RIPOR3: variants seen among roughly 807,000 people sequenced by gnomAD.
The protein encoded by RIPOR3 is RIPOR family member 3, also known as family with sequence similarity 65 member C.
RIPOR3 carries 95 observed loss-of-function variants against 114.3 expected under a neutral mutation model. The observed-to-expected ratio is 0.83, with a 90% CI of 0.70 to 0.99. The LOEUF (loss-of-function observed/expected upper bound fraction) is 0.99. Ranked by LOEUF, RIPOR3 falls within the 50% of genes least tolerant of loss-of-function variation. The pLI, the probability that RIPOR3 is intolerant of heterozygous loss-of-function variation, is 0.00. For missense variants in RIPOR3, 1,252 were observed against 1,266.9 expected (o/e 0.99, Z 0.18); for synonymous variants, 575 against 543.8 (o/e 1.06, Z -0.80).
At chr20:50,679,135 A>AATATATATATATATATAT (rs1568964701) in intron 1 of RIPOR3, among the ~76,000 whole-genome samples, 44 of 20,760 alleles carry the variant, frequency 2.1e-3, no homozygotes, top group African/African-American at 5.3e-3. Flanking sequence ...AAAAAAAAAA[A>AATATATATATATATATAT]ATATATATAT....
intron 4 of RIPOR3, 104 bp from the exon 5 acceptor site, chr20:50,611,308 G>A (rs1427314411): frequency 6.7e-6 from 10 of 1,492,432 alleles, no homozygotes; most frequent in Non-Finnish European, 9.3e-6. Flanking sequence ...AGAGTCAGAG[G>A]ACAGAAAGCC....
intron 1 of RIPOR3, among the ~76,000 whole-genome samples, chr20:50,638,685 G>C (rs148150727): frequency 1.3e-5 from 2 of 152,020 alleles, no homozygotes; most frequent in East Asian, 1.9e-4. Context: ...GGGTGTGGGG[G>C]ATGAAGGAAG....
rs765870114 is a variant in RIPOR3, at chr20:50,592,518, C to T, written c.2403G>A (p.Ala801=). 36 of 1,587,450 alleles carry T rather than the reference C, an allele frequency of 2.3e-5. No individual in the cohort carries two copies. The highest frequency in any genetic ancestry group is 3.3e-4 in the Middle Eastern group (2 of 5,980). The change falls in exon 19 of 22, where the codon GCG becomes GCA. Residue 801 remains alanine, a synonymous_variant. Coordinates refer to ENST00000327979, the MANE Select transcript of RIPOR3 (RefSeq NM_001290268.2). ...EVTLIEELHC[A]GQAKVVRKLQ... is the part of the protein sequence containing the mutation. ...GCTTCCGGACCACCTTGGCCTGTCC[C>T]GCACAGTGAAGCTCCTCGATGAGTG...
intron 16 of RIPOR3, chr20:50,594,925 A>T: frequency 1.8e-6 from 1 of 554,424 alleles, no homozygotes; most frequent in South Asian, 2.5e-5. Context: ...TCCCCACAAC[A>T]ACCTGGGAGG....
intron 8 of RIPOR3, 147 bp downstream of exon 8, chr20:50,609,145 TG>T: frequency 8.0e-7 from 1 of 1,247,010 alleles, no homozygotes; most frequent in Non-Finnish European, 1.1e-6. Context: ...CAGAGAGGGG[TG>T]GGACTTGCCA....
chr20:50,639,607 C>T (rs1423648011), intron 1 of RIPOR3, among the ~76,000 whole-genome samples: 2 of 152,228 alleles, frequency 1.3e-5, no homozygotes, highest in Non-Finnish European at 2.9e-5. Flanking sequence ...GTGGCACTCA[C>T]CTGTAGTCCC....
At chr20:50,597,413 T>TG in intron 14 of RIPOR3, 167 bp downstream of exon 14, 1 of 1,001,540 alleles carries the variant, frequency 1.0e-6, no homozygotes, top group Non-Finnish European at 1.4e-6. Context: ...CTGAGGCAAG[T>TG]GGGGGATGTG....
At chr20:50,638,128 G>A (rs1190965487) in intron 1 of RIPOR3, among the ~76,000 whole-genome samples, 7 of 152,212 alleles carry the variant, frequency 4.6e-5, no homozygotes, top group Admixed American at 4.6e-4. Flanking sequence ...TCCTGGCTCT[G>A]CCATCCTCCA....
Position 50,616,088 on chromosome 20 carries a change from G to A in RIPOR3, c.270-8C>T. ...TGCACACACAGATACTCCCTGCAAG[G>A]AAAGCAAGGAAGAGTTTCAAATGGA... is the stretch of plus-strand genomic sequence containing the variant. On this transcript the variant is annotated splice_polypyrimidine_tract_variant and splice_region_variant and intron_variant, in intron 3 of 21. Coordinates refer to ENST00000327979, the MANE Select transcript of RIPOR3 (RefSeq NM_001290268.2). 1.9e-6 allele frequency: 3 copies of A among 1,609,816 alleles called. No homozygotes were observed. Among genetic ancestry groups the A allele is most frequent in the South Asian group, 1.1e-5 (1 of 89,974 alleles).
At chr20:50,688,592 G>C (rs2123654052) in intron 1 of RIPOR3, among the ~76,000 whole-genome samples, 1 of 152,288 alleles carries the variant, frequency 6.6e-6, no homozygotes, top group African/African-American at 2.4e-5. Context: ...GGCACAAGCT[G>C]CCTCCAGCAC....
chr20:50,647,885 T>C (rs1245578468), intron 1 of RIPOR3, among the ~76,000 whole-genome samples: 2 of 152,168 alleles, frequency 1.3e-5, no homozygotes, highest in African/African-American at 4.8e-5. Context: ...TACAGTTACT[T>C]TCAGTTGCGA....
chr20:50,670,241 A>G (rs574145261), intron 1 of RIPOR3, among the ~76,000 whole-genome samples: 187 of 151,884 alleles, frequency 1.2e-3, no homozygotes, highest in Middle Eastern at 3.5e-3. Context: ...GGCCCAGAGC[A>G]TGAGTTTTAC....
intron 1 of RIPOR3, among the ~76,000 whole-genome samples, chr20:50,649,403 C>A (rs1357889970): frequency 6.6e-6 from 1 of 152,166 alleles, no homozygotes; most frequent in Non-Finnish European, 1.5e-5. Flanking sequence ...TGAGATCATG[C>A]CATTGCACTC....
At chr20:50,600,824 T>A (rs1457956642) in intron 13 of RIPOR3, among the ~76,000 whole-genome samples, 1 of 152,238 alleles carries the variant, frequency 6.6e-6, no homozygotes, top group Non-Finnish European at 1.5e-5. Flanking sequence ...TTTCTGGAAA[T>A]TTTCAGGCAG....
chr20:50,602,471 GGT>G lies in RIPOR3; in HGVS notation c.1258_1259del (p.Thr420GlnfsTer23), dbSNP rs763247919. On this transcript the variant is annotated frameshift_variant, in exon 13 of 22. Transcript: ENST00000327979. LOFTEE classifies it high-confidence loss of function. This position sits in a 1 kb window ranked among gnomAD's most constrained non-coding sequence, Gnocchi z 4.3. ...FSSEDPRDTE[T>X]STSASTSDVG... ...CATCTGAGGTGGACGCCGACGTGCT[GGT>G]CTCCGTGTCTCGGGGGTCCTCAGAG... 6.4e-7 allele frequency: 1 copy of G among 1,560,784 alleles called. No homozygotes were observed. Among genetic ancestry groups the G allele is most frequent in the Non-Finnish European group, 8.7e-7 (1 of 1,150,568 alleles).
At chr20:50,590,460 C>T (rs1354384876) in intron 19 of RIPOR3, among the ~76,000 whole-genome samples, 1 of 152,150 alleles carries the variant, frequency 6.6e-6, no homozygotes, top group African/African-American at 2.4e-5. Flanking sequence ...ACGGGTGGGG[C>T]GATGGAGGGG....
chr20:50,646,749 G>A (rs1215581852), intron 1 of RIPOR3, among the ~76,000 whole-genome samples: 2 of 152,202 alleles, frequency 1.3e-5, no homozygotes, highest in Non-Finnish European at 2.9e-5. Flanking sequence ...CTTGTGCTGG[G>A]ATTGTAATTC....
chr20:50,670,980 T>G (rs368112699), intron 1 of RIPOR3, among the ~76,000 whole-genome samples: 2 of 152,018 alleles, frequency 1.3e-5, no homozygotes, highest in African/African-American at 4.8e-5. Flanking sequence ...CAGGCTGGAG[T>G]GCAGTGGTGT....
chr20:50,588,773 A>G (rs1237359649), intron 20 of RIPOR3, among the ~76,000 whole-genome samples: 1 of 150,812 alleles, frequency 6.6e-6, no homozygotes, highest in Admixed American at 6.6e-5. Flanking sequence ...AAAAAAGAAA[A>G]AAAACACCAC....
Sources: allele counts gnomAD v4.1 joint callset (sites outside exome capture counted in the v4.1 genomes callset), GRCh38; gene constraint gnomAD v4.1.1; non-coding constraint Gnocchi (gnomAD v3.1); transcripts MANE v1.5; gene names NCBI Gene and HGNC (gene_info 2026-07-23, HGNC 2026-07-21).